The following NXPH1 variants were observed in gnomAD, a reference collection of about 807,000 sequenced individuals.
NXPH1 encodes the protein neurexophilin 1.
NXPH1 carries 5 observed loss-of-function variants against 23.7 expected under a neutral mutation model. The ratio of observed to expected loss-of-function variants is 0.21; its 90% CI spans 0.11 to 0.44. The LOEUF (loss-of-function observed/expected upper bound fraction) is 0.44, where lower values mean the gene tolerates loss of function less well. Among genes scored for constraint, NXPH1 ranks in the 20% least tolerant of loss-of-function variants. The pLI is 0.99. For missense variants in NXPH1, 324 were observed against 321.6 expected (o/e 1.01, Z -0.06); for synonymous variants, 144 against 122.2 (o/e 1.18, Z -1.18).
chr7:8,460,491 C>A (rs1314163691), intron 2 of NXPH1, among the ~76,000 whole-genome samples: 1 of 152,190 alleles, frequency 6.6e-6, no homozygotes, highest in Non-Finnish European at 1.5e-5. Context: ...CTTTGCATGG[C>A]ACTCTCCTTA....
chr7:8,499,728 T>A lies in NXPH1; in HGVS notation c.54+63961T>A, dbSNP rs115480848. On this transcript the variant is annotated intron_variant, in intron 2 of 2. Coordinates refer to ENST00000405863, the MANE Select transcript of NXPH1 (RefSeq NM_152745.3). Reference sequence around the variant, plus strand: ...CCCAGTGGTGAGGCCTAAGGAGCTCTCAAATGTCTATTCCCCGCTATTTTT... The same window carrying A: ...CCCAGTGGTGAGGCCTAAGGAGCTCACAAATGTCTATTCCCCGCTATTTTT... Among the ~76,000 whole-genome samples the A allele has an allele frequency of 9.5e-3, 1,446 of 152,148 alleles. 30 individuals carry two copies. Among genetic ancestry groups the A allele is most frequent in the African/African-American group, 0.033 (1,364 of 41,556 alleles).
chr7:8,600,279 T>C (rs1486378142), intron 2 of NXPH1, among the ~76,000 whole-genome samples: 1 of 152,166 alleles, frequency 6.6e-6, no homozygotes, highest in Admixed American at 6.6e-5. Context: ...AGGAACCATG[T>C]AAAAAGCTAA....
intron 2 of NXPH1, among the ~76,000 whole-genome samples, chr7:8,555,232 C>G (rs1818338003): frequency 6.6e-6 from 1 of 151,666 alleles, no homozygotes; most frequent in African/African-American, 2.4e-5. Context: ...GAGTTATTTT[C>G]TGCTCAGCAC....
intron 2 of NXPH1, among the ~76,000 whole-genome samples, chr7:8,448,371 T>C (rs1464549851): frequency 1.3e-5 from 2 of 152,228 alleles, no homozygotes; most frequent in Non-Finnish European, 2.9e-5. Context: ...ACAGTCCTTA[T>C]GAATATGACA....
chr7:8,455,330 G>C (rs976269010), intron 2 of NXPH1, among the ~76,000 whole-genome samples: 1 of 152,142 alleles, frequency 6.6e-6, no homozygotes. Flanking sequence ...ACTTTAATCA[G>C]TTGTCATGAT....
chr7:8,660,478 T>C (rs1206983368), intron 2 of NXPH1, among the ~76,000 whole-genome samples: 1 of 152,220 alleles, frequency 6.6e-6, no homozygotes, highest in Non-Finnish European at 1.5e-5. Flanking sequence ...AAGAACAAAC[T>C]TTCCCACATT....
At chr7:8,554,157 G>C (rs1288014442) in intron 2 of NXPH1, among the ~76,000 whole-genome samples, 1 of 147,852 alleles carries the variant, frequency 6.8e-6, no homozygotes. Flanking sequence ...CTTATAACAT[G>C]ATGGAAGAAA....
intron 2 of NXPH1, among the ~76,000 whole-genome samples, chr7:8,485,090 G>A (rs1464007534): frequency 1.3e-5 from 2 of 152,160 alleles, no homozygotes; most frequent in Non-Finnish European, 2.9e-5. Context: ...AGAAGAACTA[G>A]AGGAGACATG....
At chr7:8,678,539 T>C (rs575312882) in intron 2 of NXPH1, among the ~76,000 whole-genome samples, 2 of 152,262 alleles carry the variant, frequency 1.3e-5, no homozygotes, top group East Asian at 3.9e-4. Flanking sequence ...AGCTGTTTGC[T>C]GGCTGTAGTG....
chr7:8,460,624 C>T (rs900632415), intron 2 of NXPH1, among the ~76,000 whole-genome samples: 1 of 152,164 alleles, frequency 6.6e-6, no homozygotes, highest in Non-Finnish European at 1.5e-5. Flanking sequence ...TAGCTCTGAT[C>T]CCTCTAGATG....
chr7:8,708,321 G>T (rs556595999), intron 2 of NXPH1, among the ~76,000 whole-genome samples: 2 of 152,088 alleles, frequency 1.3e-5, no homozygotes, highest in East Asian at 3.9e-4. Flanking sequence ...AGAGATATGT[G>T]TACCTAGAAT....
intron 2 of NXPH1, among the ~76,000 whole-genome samples, chr7:8,488,555 A>G (rs1043608928): frequency 1.3e-5 from 2 of 152,124 alleles, no homozygotes; most frequent in African/African-American, 4.8e-5. Flanking sequence ...TTATAGTGCT[A>G]CCAGAAGGTA....
intron 2 of NXPH1, among the ~76,000 whole-genome samples, chr7:8,560,703 C>T (rs1424213016): frequency 2.0e-5 from 3 of 151,616 alleles, no homozygotes; most frequent in Non-Finnish European, 4.4e-5. Context: ...CTTTTCTCAA[C>T]CTTTTGTGTG....
chr7:8,523,664 A>G (rs1253995049), intron 2 of NXPH1, among the ~76,000 whole-genome samples: 1 of 152,178 alleles, frequency 6.6e-6, no homozygotes, highest in Non-Finnish European at 1.5e-5. Context: ...TGTACTAAGG[A>G]GCTCTAAAAG....
chr7:8,694,443 T>C (rs188833532), intron 2 of NXPH1, among the ~76,000 whole-genome samples: 49 of 152,334 alleles, frequency 3.2e-4, no homozygotes, highest in African/African-American at 1.1e-3. Flanking sequence ...TGATTTCATT[T>C]CTCAACTTGG....
chr7:8,628,124 C>T (rs929623538), intron 2 of NXPH1, among the ~76,000 whole-genome samples: 2 of 151,898 alleles, frequency 1.3e-5, no homozygotes, highest in Non-Finnish European at 2.9e-5. Context: ...TATATTTTTT[C>T]CTGAATCAAA....
At chr7:8,510,541 T>G (rs932790970) in intron 2 of NXPH1, among the ~76,000 whole-genome samples, 1 of 152,058 alleles carries the variant, frequency 6.6e-6, no homozygotes, top group Admixed American at 6.6e-5. Flanking sequence ...CAGGGGAAAG[T>G]AAAATGTTTT....
At chr7:8,607,182 T>C (rs1345602642) in intron 2 of NXPH1, among the ~76,000 whole-genome samples, 3 of 152,252 alleles carry the variant, frequency 2.0e-5, no homozygotes, top group Non-Finnish European at 2.9e-5. Flanking sequence ...CATTGGAACA[T>C]TTTAAATTTA....
In NXPH1 at chr7:8,719,912, T is replaced by A. The variant is rs1386957075; in HGVS notation, c.55-31096T>A. Among the ~76,000 whole-genome samples, 3 of 152,044 alleles carry A rather than the reference T, an allele frequency of 2.0e-5. No individual in the cohort carries two copies. In the East Asian group the frequency reaches 5.8e-4, roughly 29 times the overall value. On this transcript the variant is annotated intron_variant, in intron 2 of 2. Coordinates refer to ENST00000405863, the MANE Select transcript of NXPH1 (RefSeq NM_152745.3). Reference sequence around the variant, plus strand: ...TACATTCTAATTCTCAAAATAACACTGGGACAGGGGGATTCTATCTCTAAA... The same window carrying A: ...TACATTCTAATTCTCAAAATAACACAGGGACAGGGGGATTCTATCTCTAAA...
Sources: gnomAD v4.1 joint callset for allele counts (sites outside exome capture counted in the v4.1 genomes callset) on GRCh38, gnomAD v4.1.1 for gene constraint, MANE v1.5 for transcripts, NCBI Gene and HGNC (gene_info 2026-07-23, HGNC 2026-07-21) for gene names.